ITIH5: variants seen among roughly 807,000 people sequenced by gnomAD.
ITIH5 encodes the protein inter-alpha-trypsin inhibitor heavy chain 5, also known as inter-alpha-trypsin inhibitor heavy chain H5.
ITIH5 carries 65 observed loss-of-function variants against 77.5 expected under a neutral mutation model. The observed-to-expected ratio is 0.84, with a 90% confidence interval of 0.69 to 1.03. ITIH5 has a LOEUF of 1.03. ITIH5 is among the 50% of genes least tolerant of loss of function. ITIH5 has a pLI of 0.00. For synonymous variants in ITIH5, 525 were observed against 494.3 expected (o/e 1.06, Z -0.82); for missense variants, 1,208 against 1,213.1 (o/e 1.00, Z 0.06).
intron 7 of ITIH5, among the ~76,000 whole-genome samples, chr10:7,592,546 C>T (rs953982681): frequency 6.6e-6 from 1 of 151,974 alleles, no homozygotes; most frequent in African/African-American, 2.4e-5. Context: ...GAGAAAGAGA[C>T]AGAGAGGTTC....
intron 7 of ITIH5, among the ~76,000 whole-genome samples, chr10:7,597,131 C>G (rs1832920196): frequency 6.7e-6 from 1 of 148,894 alleles, no homozygotes; most frequent in Admixed American, 6.8e-5. Flanking sequence ...TCATGATCAG[C>G]AAATGAAAAC....
At chr10:7,615,939 C>A in intron 7 of ITIH5, 43 bp downstream of exon 7, 1 of 1,224,236 alleles carries the variant, frequency 8.2e-7, no homozygotes, top group Non-Finnish European at 1.2e-6. Context: ...TTGTCCCAGG[C>A]AAAAGCGAGA....
intron 2 of ITIH5, among the ~76,000 whole-genome samples, chr10:7,644,357 T>A (rs891803821): frequency 4.5e-4 from 66 of 146,854 alleles, no homozygotes; most frequent in African/African-American, 8.5e-4. Flanking sequence ...CACATATATA[T>A]CATATATATC....
chr10:7,563,381 T>C lies in ITIH5; in HGVS notation c.2531A>G (p.Gln844Arg). The C allele has an allele frequency of 6.2e-7, 1 of 1,609,374 alleles. No homozygotes were observed. Among genetic ancestry groups the C allele is most frequent in the Non-Finnish European group, 8.5e-7 (1 of 1,176,282 alleles). Residue 844 changes from glutamine to arginine, a missense_variant, in exon 14 of 14, where the codon CAG becomes CGG. By Grantham distance (43) the Gln-to-Arg change is conservative. Transcript: ENST00000397146. ...GAGTCTGGCATCCTGATTCAGGAAC[T>C]GACCTGGGAGGACAAGGAAAAGCAT... ...LSSNCHGLLG[Q>R]FLNQDARLTE... is the part of the protein sequence containing the mutation.
chr10:7,580,007 G>A lies in ITIH5; in HGVS notation c.1166C>T (p.Ala389Val). 1 of 1,613,744 alleles carries A rather than the reference G, an allele frequency of 6.2e-7. No individual in the cohort carries two copies. The highest frequency in any genetic ancestry group is 8.5e-7 in the Non-Finnish European group (1 of 1,179,938). ...RAIRLLNKYV[A>V]HSGIGDRSVS... is the part of the protein sequence containing the mutation. ...GCTCCGGTCTCCAATGCCACTGTGG[G>A]CCACGTACTTGTTGAGGAGCCTGAT... Residue 389 changes from alanine (A) to valine (V), a missense_variant, in exon 9 of 14, where the codon GCC becomes GTC. By Grantham distance (64) the Ala-to-Val change is moderately conservative. Coordinates refer to ENST00000397146, the MANE Select transcript of ITIH5 (RefSeq NM_030569.7).
rs531391222 is a variant in ITIH5 at position 7,588,223 on chromosome 10, A to G, written c.940-2154T>C. 3.3e-3 allele frequency among the ~76,000 whole-genome samples: 500 copies of G among 152,342 alleles called. 7 individuals carry two copies. The highest frequency in any genetic ancestry group is 0.011 in the African/African-American group (475 of 41,572). ...ACATGGCAAAACCTCATCTCCACTA[A>G]TAATACAAAAATTAGCCAGGCATGG... On this transcript the variant is annotated intron_variant, in intron 7 of 13. Coordinates refer to ENST00000397146, the MANE Select transcript of ITIH5 (RefSeq NM_030569.7).
rs574041979 is a variant in ITIH5 at position 7,644,759 on chromosome 10, C to A, written c.136-2669G>T. On this transcript the variant is annotated intron_variant, in intron 2 of 13. Coordinates refer to ENST00000397146, the MANE Select transcript of ITIH5 (RefSeq NM_030569.7). Reference sequence around the variant, plus strand: ...TATATCACATATATATCACATATATCACATATATATCATATATATCACATA... The same window carrying A: ...TATATCACATATATATCACATATATAACATATATATCATATATATCACATA... 1.3e-4 allele frequency among the ~76,000 whole-genome samples: 16 copies of A among 125,784 alleles called. 2 individuals carry two copies. The highest frequency in any genetic ancestry group is 3.1e-4 in the African/African-American group (9 of 28,650). The allele number at this position is 125,784 out of a possible 152,430, so 82.5% of individuals were successfully genotyped here.
At chr10:7,611,025 T>G (rs911914569) in intron 7 of ITIH5, among the ~76,000 whole-genome samples, 2 of 152,266 alleles carry the variant, frequency 1.3e-5, no homozygotes, top group Non-Finnish European at 2.9e-5. Flanking sequence ...CCTTCTCAGT[T>G]GGGTCTTCAA....
At chr10:7,655,573 CA>C (rs1834167748) in intron 2 of ITIH5, 57 bp downstream of exon 2, 2 of 1,407,358 alleles carry the variant, frequency 1.4e-6, no homozygotes, top group Admixed American at 3.5e-5. Flanking sequence ...ATACCTGGTT[CA>C]AAATAAATAG....
Position 7,559,753 on chromosome 10 carries a change from C to A in ITIH5, c.*3330G>T. 2.2e-6 allele frequency: 1 copy of A among 450,100 alleles called. No homozygotes were observed. The highest frequency in any genetic ancestry group is 1.6e-5 in the South Asian group (1 of 63,258). The allele number at this position is 450,100 out of a possible 1,614,324, so 27.9% of individuals were successfully genotyped here. On this transcript the variant is annotated 3_prime_UTR_variant, in exon 14 of 14. Transcript: ENST00000397146. ...ATCAAGGTGCCAGCAGACATGGTGT[C>A]TGGTGAGGGCCGTCTTCCTGGCTTG...
intron 2 of ITIH5, among the ~76,000 whole-genome samples, chr10:7,650,589 A>G (rs531184390): frequency 1.3e-5 from 2 of 152,200 alleles, no homozygotes; most frequent in South Asian, 4.1e-4. Context: ...GCAAAAAATT[A>G]GCCAGGTGTG....
chr10:7,649,520 G>GGATA, intron 2 of ITIH5, among the ~76,000 whole-genome samples: 1 of 117,456 alleles, frequency 8.5e-6, no homozygotes, highest in South Asian at 3.2e-4. Flanking sequence ...ATAGATAGAT[G>GGATA]GATAGATAGA....
At chr10:7,664,477 G>A (rs1401186849) in intron 1 of ITIH5, among the ~76,000 whole-genome samples, 1 of 151,616 alleles carries the variant, frequency 6.6e-6, no homozygotes, top group Non-Finnish European at 1.5e-5. Flanking sequence ...CAAACCCAAT[G>A]GATCTAAACC....
chr10:7,572,771 CTTTTTTT>C lies in ITIH5; in HGVS notation c.2032+364_2032+370del, dbSNP rs528912890. The C allele has an allele frequency of 2.6e-4, 23 of 88,350 alleles. No individual in the cohort carries two copies. In the East Asian group the frequency reaches 3.8e-3, roughly 14 times the overall value. The allele number at this position is 88,350 out of a possible 1,614,324, so 5.5% of individuals were successfully genotyped here. A position where few individuals can be genotyped will look rare whatever the true frequency, so the allele number is the denominator to read the frequency against. ...GCTTCAAGGAATTCTTGGTTTTACA[CTTTTTTT>C]TTTTTTTTTTTTTTTTGAGACAGAG... On this transcript the variant is annotated intron_variant, in intron 11 of 13. Coordinates refer to ENST00000397146, the MANE Select transcript of ITIH5 (RefSeq NM_030569.7).
intron 7 of ITIH5, among the ~76,000 whole-genome samples, chr10:7,610,809 T>C (rs1833229665): frequency 6.6e-6 from 1 of 152,212 alleles, no homozygotes; most frequent in Non-Finnish European, 1.5e-5. Context: ...GACATGTGTT[T>C]GGCTGGTCTA....
chr10:7,565,586 A>G (rs1056768179), intron 13 of ITIH5, among the ~76,000 whole-genome samples: 3 of 148,854 alleles, frequency 2.0e-5, no homozygotes, highest in East Asian at 1.9e-4. Flanking sequence ...TATAATACAT[A>G]TATACATGTA....
chr10:7,564,475 A>G (rs1832100529), intron 13 of ITIH5, among the ~76,000 whole-genome samples: 1 of 152,118 alleles, frequency 6.6e-6, no homozygotes, highest in South Asian at 2.1e-4. Context: ...CTATGTCTAG[A>G]TATGTTTAGA....
At chr10:7,630,812 T>C (rs1397696886) in intron 5 of ITIH5, among the ~76,000 whole-genome samples, 1 of 152,178 alleles carries the variant, frequency 6.6e-6, no homozygotes, top group African/African-American at 2.4e-5. Flanking sequence ...CCTGATACTC[T>C]ATCTCTTTCT....
chr10:7,584,174 G>C (rs1454513270), intron 8 of ITIH5, among the ~76,000 whole-genome samples: 1 of 152,182 alleles, frequency 6.6e-6, no homozygotes, highest in Non-Finnish European at 1.5e-5. Flanking sequence ...AGAGAAGCAG[G>C]CTGATCTGCT....
Sources: allele counts gnomAD v4.1 joint callset (sites outside exome capture counted in the v4.1 genomes callset), GRCh38; gene constraint gnomAD v4.1.1; transcripts MANE v1.5; gene names NCBI Gene and HGNC (gene_info 2026-07-23, HGNC 2026-07-21).